PCSK6: variants seen among roughly 807,000 people sequenced by gnomAD.
The protein encoded by PCSK6 is proprotein convertase subtilisin/kexin type 6, also known as paired basic amino acid cleaving enzyme 4.
PCSK6 carries 85 observed loss-of-function variants against 123.3 expected under a neutral mutation model. That is an observed-to-expected ratio of 0.69 (90% CI 0.58 to 0.83). PCSK6 has a LOEUF of 0.83. Ranked by LOEUF, PCSK6 falls within the 40% of genes least tolerant of loss-of-function variation. PCSK6 has a pLI of 0.00. For synonymous variants in PCSK6, 508 were observed against 516.0 expected (o/e 0.98, Z 0.21); for missense variants, 1,191 against 1,282.3 (o/e 0.93, Z 1.09).
At chr15:101,386,720 C>T (rs1365226814) in intron 9 of PCSK6, among the ~76,000 whole-genome samples, 3 of 152,230 alleles carry the variant, frequency 2.0e-5, no homozygotes, top group Admixed American at 6.5e-5. Flanking sequence ...GAGCACACTT[C>T]GCTGATCTCT....
chr15:101,352,673 T>C (rs957096743), intron 13 of PCSK6, among the ~76,000 whole-genome samples: 2 of 152,234 alleles, frequency 1.3e-5, no homozygotes, highest in East Asian at 1.9e-4. Context: ...CATTTTATTA[T>C]AGTTAAAAAA....
At position 101,439,943 on chromosome 15, in the gene PCSK6, AGGG is replaced by A. The variant is rs376518578; in HGVS notation, c.402+3610_402+3612del. 2.5e-4 allele frequency among the ~76,000 whole-genome samples: 38 copies of A among 152,308 alleles called. 1 individual carries two copies. The East Asian group carries it at 5.2e-3, about 21-fold the overall frequency. ...CATCACCAATCTGGCTGAGATCTGTAGGGAAGGAAAAGAGCTGAACCCAAGTCA... is the reference window on the plus strand; with the variant it reads ...CATCACCAATCTGGCTGAGATCTGTAAAGGAAAAGAGCTGAACCCAAGTCA... On this transcript the variant is annotated intron_variant, in intron 2 of 21. Transcript: ENST00000611716.
intron 11 of PCSK6, among the ~76,000 whole-genome samples, chr15:101,375,475 C>T (rs1256191824): frequency 6.6e-6 from 1 of 152,190 alleles, no homozygotes; most frequent in African/African-American, 2.4e-5. Context: ...CCTTCCAATT[C>T]TAACAGTCTA....
At chr15:101,370,040 A>G (rs995048743) in intron 12 of PCSK6, among the ~76,000 whole-genome samples, 3 of 152,324 alleles carry the variant, frequency 2.0e-5, no homozygotes, top group Non-Finnish European at 4.4e-5. Context: ...GAATTCCACA[A>G]ATCCCTCCGC....
intron 15 of PCSK6, among the ~76,000 whole-genome samples, chr15:101,330,642 C>T (rs765464339): frequency 6.6e-6 from 1 of 152,228 alleles, no homozygotes; most frequent in Non-Finnish European, 1.5e-5. Flanking sequence ...CCCATGGAGA[C>T]CCCCTCTCTC....
rs548501363 is a variant in PCSK6, at chr15:101,329,697, T to C, written c.2077+1954A>G. ...ATGCCACGTGGGTTCTTGGCTTCCC[T>C]TGCAGTCCTGTGTGGATGACCACAG... On this transcript the variant is annotated intron_variant, in intron 15 of 21. Transcript: ENST00000611716. Among the ~76,000 whole-genome samples the C allele has an allele frequency of 7.2e-5, 11 of 152,356 alleles. 1 individual carries two copies. Among genetic ancestry groups the C allele is most frequent in the African/African-American group, 2.6e-4 (11 of 41,586 alleles).
At chr15:101,340,558 C>G (rs774539209) in intron 13 of PCSK6, among the ~76,000 whole-genome samples, 1 of 152,248 alleles carries the variant, frequency 6.6e-6, no homozygotes, top group Non-Finnish European at 1.5e-5. Context: ...TCACTCCATT[C>G]TACCTCTTGG....
At chr15:101,371,134 G>A (rs941768198) in intron 11 of PCSK6, among the ~76,000 whole-genome samples, 16 of 152,192 alleles carry the variant, frequency 1.1e-4, no homozygotes, top group Non-Finnish European at 2.2e-4. Context: ...TTGAACCCAG[G>A]AGGTGGAGGT....
chr15:101,371,921 C>T (rs963310470), intron 11 of PCSK6, among the ~76,000 whole-genome samples: 4 of 152,192 alleles, frequency 2.6e-5, no homozygotes, highest in African/African-American at 9.7e-5. Flanking sequence ...TTTACAAACT[C>T]AGGGCAGCTT....
At chr15:101,390,341 A>ACTGCTAGCTGGGGGCTCTGCCT (rs376915380) in intron 8 of PCSK6, among the ~76,000 whole-genome samples, 15 of 83,930 alleles carry the variant, frequency 1.8e-4, no homozygotes, top group South Asian at 3.7e-4. Flanking sequence ...CAGGTGTGCT[A>ACTGCTAGCTGGGGGCTCTGCCT]GGTGGGATTG....
chr15:101,339,135 A>G (rs1021646928), intron 13 of PCSK6, among the ~76,000 whole-genome samples: 7 of 152,228 alleles, frequency 4.6e-5, no homozygotes, highest in Admixed American at 4.6e-4. Flanking sequence ...GAAATTTACA[A>G]TTGGAGACAA....
chr15:101,424,755 G>A (rs1422608924), intron 6 of PCSK6, among the ~76,000 whole-genome samples: 1 of 152,224 alleles, frequency 6.6e-6, no homozygotes, highest in African/African-American at 2.4e-5. Flanking sequence ...GACAGTGATG[G>A]TGAATGGAAA....
At chr15:101,441,276 T>C (rs1278379324) in intron 2 of PCSK6, among the ~76,000 whole-genome samples, 1 of 152,066 alleles carries the variant, frequency 6.6e-6, no homozygotes, top group Admixed American at 6.5e-5. Flanking sequence ...ATATAGGACT[T>C]TTAACACACC....
At chr15:101,353,484 G>T (rs1256761465) in intron 13 of PCSK6, among the ~76,000 whole-genome samples, 1 of 152,174 alleles carries the variant, frequency 6.6e-6, no homozygotes, top group Non-Finnish European at 1.5e-5. Context: ...TGCTCTTGTG[G>T]ACTGGTCAAA....
At chr15:101,466,075 C>A (rs189463752) in intron 1 of PCSK6, among the ~76,000 whole-genome samples, 2 of 152,042 alleles carry the variant, frequency 1.3e-5, no homozygotes, top group Non-Finnish European at 2.9e-5. Context: ...AAACAATGTC[C>A]GTGCTCCAAA....
intron 1 of PCSK6, among the ~76,000 whole-genome samples, chr15:101,488,956 G>A (rs1313957256): frequency 2.0e-5 from 3 of 150,294 alleles, no homozygotes; most frequent in Admixed American, 6.6e-5. Flanking sequence ...GCTCCCCCGC[G>A]GGGGAGAGCC....
chr15:101,406,754 G>A (rs937300), intron 6 of PCSK6, among the ~76,000 whole-genome samples: 8,958 of 152,184 alleles, frequency 0.059, 374 homozygotes, highest in East Asian at 0.17. Flanking sequence ...GTTCGCCATC[G>A]TGACATGAAG....
chr15:101,460,018 GA>G (rs2057304116), intron 1 of PCSK6, among the ~76,000 whole-genome samples: 1 of 152,164 alleles, frequency 6.6e-6, no homozygotes, highest in Admixed American at 6.5e-5. Flanking sequence ...AATTCCATCT[GA>G]TGTTTGCCAC....
At chr15:101,374,599 T>C (rs992535788) in intron 11 of PCSK6, among the ~76,000 whole-genome samples, 1 of 152,224 alleles carries the variant, frequency 6.6e-6, no homozygotes, top group Non-Finnish European at 1.5e-5. Flanking sequence ...AGCAGCATCC[T>C]GCCAGCTGCT....
Sources: gnomAD v4.1 joint callset for allele counts (sites outside exome capture counted in the v4.1 genomes callset) on GRCh38, gnomAD v4.1.1 for gene constraint, MANE v1.5 for transcripts, NCBI Gene and HGNC (gene_info 2026-07-23, HGNC 2026-07-21) for gene names.